The following SORCS1 variants were observed in gnomAD, a reference collection of about 807,000 sequenced individuals.
SORCS1 encodes sortilin related VPS10 domain containing receptor 1.
Under a neutral mutation model 146.1 loss-of-function variants are expected in SORCS1, and 60 were observed. That is an observed-to-expected ratio of 0.41 (90% CI 0.33 to 0.51). The LOEUF (loss-of-function observed/expected upper bound fraction) is 0.51. SORCS1 is among the 20% of genes least tolerant of loss of function. The pLI is 0.21. For missense variants in SORCS1, 1,352 were observed against 1,487.6 expected (o/e 0.91, Z 1.50); for synonymous variants, 637 against 584.0 (o/e 1.09, Z -1.31).
chr10:106,934,484 C>A (rs1029201491), intron 2 of SORCS1, among the ~76,000 whole-genome samples: 1 of 152,114 alleles, frequency 6.6e-6, no homozygotes, highest in Non-Finnish European at 1.5e-5. Context: ...CAGTCTGGAT[C>A]TCCTGCCCTC....
chr10:106,963,110 ATTT>A (rs749174613), intron 1 of SORCS1, among the ~76,000 whole-genome samples: 74 of 76,294 alleles, frequency 9.7e-4, no homozygotes, highest in African/African-American at 3.2e-3. Context: ...AATGGCCAGA[ATTT>A]TTTTTTTTTT....
chr10:106,898,611 T>G (rs1274107239), intron 2 of SORCS1, among the ~76,000 whole-genome samples: 2 of 152,160 alleles, frequency 1.3e-5, no homozygotes, highest in Non-Finnish European at 2.9e-5. Context: ...GGTGCAAATC[T>G]AGGATACGCT....
chr10:106,968,714 A>C (rs1406634061), intron 1 of SORCS1, among the ~76,000 whole-genome samples: 1 of 152,240 alleles, frequency 6.6e-6, no homozygotes. Flanking sequence ...CCTCAATAAG[A>C]AACTGGAATA....
rs1424035324 is a variant in SORCS1 at position 107,060,700 on chromosome 10, C to T, written c.558+103269G>A. 2.0e-5 allele frequency among the ~76,000 whole-genome samples: 3 copies of T among 152,166 alleles called. No homozygotes were observed. In the East Asian group the frequency reaches 5.8e-4, roughly 29 times the overall value. On this transcript the variant is annotated intron_variant, in intron 1 of 25. Coordinates refer to ENST00000263054, the MANE Select transcript of SORCS1 (RefSeq NM_052918.5). This position sits in a 1 kb window ranked among gnomAD's most constrained non-coding sequence, Gnocchi z 4.1. Reference sequence around the variant, plus strand: ...CTCACGGTTTTCTCCTCTCTTGACACTTGCAGTCATGTTTACTCTTAGACA... The same window carrying T: ...CTCACGGTTTTCTCCTCTCTTGACATTTGCAGTCATGTTTACTCTTAGACA...
chr10:106,697,786 C>G (rs1056544006), intron 9 of SORCS1, among the ~76,000 whole-genome samples: 3 of 152,094 alleles, frequency 2.0e-5, no homozygotes, highest in Non-Finnish European at 4.4e-5. Flanking sequence ...GGATTTGTCT[C>G]AAGAATACAT....
intron 2 of SORCS1, among the ~76,000 whole-genome samples, chr10:106,905,528 C>CCTACA (rs1951874040): frequency 6.6e-6 from 1 of 152,084 alleles, no homozygotes; most frequent in Non-Finnish European, 1.5e-5. Context: ...TTGCCCTGTT[C>CCTACA]AAGAAAAGTT....
intron 5 of SORCS1, among the ~76,000 whole-genome samples, chr10:106,746,716 G>C (rs1053566781): frequency 6.6e-6 from 1 of 152,204 alleles, no homozygotes; most frequent in Non-Finnish European, 1.5e-5. Context: ...GGGCTTCCCT[G>C]GTTACCACAG....
intron 6 of SORCS1, among the ~76,000 whole-genome samples, chr10:106,714,557 C>A (rs1855230385): frequency 6.6e-6 from 1 of 151,872 alleles, no homozygotes; most frequent in African/African-American, 2.4e-5. Flanking sequence ...AAAATTATTC[C>A]AAAATAAAAG....
chr10:106,955,242 G>A (rs189184205), intron 2 of SORCS1, among the ~76,000 whole-genome samples: 4 of 152,350 alleles, frequency 2.6e-5, no homozygotes, highest in Middle Eastern at 3.4e-3. Flanking sequence ...ATGATTGCTG[G>A]TGTCCCCGAG....
intron 3 of SORCS1, among the ~76,000 whole-genome samples, chr10:106,794,489 C>T (rs888195384): frequency 6.7e-6 from 1 of 150,268 alleles, no homozygotes; most frequent in Admixed American, 6.7e-5. Flanking sequence ...AGCATTGTTT[C>T]CTTTTCTTTT....
In SORCS1 at chr10:106,752,962, C is replaced by CCA. The variant is rs1366130728; in HGVS notation, c.959+8624_959+8625dup. Among the ~76,000 whole-genome samples, 4 of 152,130 alleles carry CCA rather than the reference C, an allele frequency of 2.6e-5. No individual in the cohort carries two copies. In the East Asian group the frequency reaches 7.7e-4, roughly 29 times the overall value. On this transcript the variant is annotated intron_variant, in intron 5 of 25. Coordinates refer to ENST00000263054, the MANE Select transcript of SORCS1 (RefSeq NM_052918.5). ...AGCTGATTCTAAATGGTAAGATATT[C>CCA]CACTGCCACCGCAACATAAATTGAA...
chr10:106,656,802 A>G (rs922988389), intron 17 of SORCS1, among the ~76,000 whole-genome samples: 3 of 152,300 alleles, frequency 2.0e-5, no homozygotes, highest in African/African-American at 7.2e-5. Context: ...TACTTTTAAA[A>G]TAGATGGATA....
chr10:107,141,693 G>C (rs2134723044), intron 1 of SORCS1, among the ~76,000 whole-genome samples: 1 of 152,226 alleles, frequency 6.6e-6, no homozygotes, highest in African/African-American at 2.4e-5. Context: ...TATTTTAAAG[G>C]CTGCCTGTAA....
chr10:106,991,648 T>C (rs1956776191), intron 1 of SORCS1, among the ~76,000 whole-genome samples: 1 of 152,186 alleles, frequency 6.6e-6, no homozygotes, highest in South Asian at 2.1e-4. Context: ...CTAATAATTA[T>C]CTGTTTTTGA....
intron 6 of SORCS1, among the ~76,000 whole-genome samples, chr10:106,721,442 AAGT>A (rs55967819): frequency 0.8 from 121,428 of 151,766 alleles, 51,125 homozygotes; most frequent in Non-Finnish European, 0.94. Flanking sequence ...TGATTTTTTA[AAGT>A]TCACTGAAGA....
At position 107,164,060 on chromosome 10, in the gene SORCS1, T is replaced by C; in HGVS notation, c.467A>G (p.Glu156Gly). The C allele has an allele frequency of 6.2e-7, 1 of 1,614,024 alleles. No homozygotes were observed. Among genetic ancestry groups the C allele is most frequent in the South Asian group, 1.1e-5 (1 of 91,072 alleles). Residue 156 changes from glutamate (E) to glycine (G), a missense_variant, in exon 1 of 26, where the codon GAG (glutamate) becomes GGG (glycine). By Grantham distance (98) the Glu-to-Gly change is moderately conservative (BLOSUM62 -2). Transcript: ENST00000263054. The surrounding 1 kb of genome is among the most constrained non-coding windows in gnomAD (Gnocchi z 6.8). Reference sequence around the variant, plus strand: ...CGTGGTGCTGGTCAGTCTCAGCTCCTCCATCCGGAAGCGGGTGGCTTTGTC... The same window carrying C: ...CGTGGTGCTGGTCAGTCTCAGCTCCCCCATCCGGAAGCGGGTGGCTTTGTC... ...DPDKATRFRM[E>G]ELRLTSTTFA...
chr10:106,613,972 A>G (rs746684069), intron 21 of SORCS1, among the ~76,000 whole-genome samples: 14 of 151,926 alleles, frequency 9.2e-5, no homozygotes, highest in Non-Finnish European at 2.1e-4. Flanking sequence ...AACCTCAGGT[A>G]GCCTCCCTTC....
chr10:107,038,811 G>C (rs1482217528), intron 1 of SORCS1, among the ~76,000 whole-genome samples: 1 of 151,814 alleles, frequency 6.6e-6, no homozygotes, highest in Non-Finnish European at 1.5e-5. Flanking sequence ...GTTCTTTTTT[G>C]GAGACTAACA....
At chr10:106,642,084 T>C (rs1324818936) in intron 18 of SORCS1, among the ~76,000 whole-genome samples, 1 of 152,172 alleles carries the variant, frequency 6.6e-6, no homozygotes, top group African/African-American at 2.4e-5. Flanking sequence ...TCTAATGGTT[T>C]AGATGAAATG....
Sources: gnomAD v4.1 joint callset for allele counts (sites outside exome capture counted in the v4.1 genomes callset) on GRCh38, gnomAD v4.1.1 for gene constraint, Gnocchi (gnomAD v3.1) non-coding constraint, MANE v1.5 for transcripts, NCBI Gene and HGNC (gene_info 2026-07-23, HGNC 2026-07-21) for gene names.